ADAMTS17: variants seen among roughly 807,000 people sequenced by gnomAD.
ADAMTS17 encodes ADAM metallopeptidase with thrombospondin type 1 motif 17.
ADAMTS17 carries 113 observed loss-of-function variants against 141.5 expected under a neutral mutation model. The ratio of observed to expected loss-of-function variants is 0.80; its 90% confidence interval spans 0.69 to 0.93. The LOEUF is 0.93. Ranked by LOEUF, ADAMTS17 falls within the 40% of genes least tolerant of loss-of-function variation. The probability of loss-of-function intolerance (pLI) is 0.00; values close to 1 mark genes in which losing one functional copy is unlikely to be tolerated. For missense variants in ADAMTS17, 1,659 were observed against 1,517.9 expected (o/e 1.09, Z -1.54); for synonymous variants, 768 against 630.6 (o/e 1.22, Z -3.27).
intron 3 of ADAMTS17, among the ~76,000 whole-genome samples, chr15:100,320,766 G>C (rs2045709266): frequency 1.3e-5 from 2 of 152,220 alleles, no homozygotes; most frequent in South Asian, 4.1e-4. Flanking sequence ...CTGGGAGGCA[G>C]AGGTTGCAGT....
intron 7 of ADAMTS17, among the ~76,000 whole-genome samples, chr15:100,223,171 A>C (rs1010272099): frequency 6.6e-6 from 1 of 152,200 alleles, no homozygotes; most frequent in Non-Finnish European, 1.5e-5. Flanking sequence ...AGACAAAAGG[A>C]CATGGTGGGG....
At chr15:100,006,596 G>A (rs1359491765) in intron 18 of ADAMTS17, among the ~76,000 whole-genome samples, 1 of 152,206 alleles carries the variant, frequency 6.6e-6, no homozygotes, top group African/African-American at 2.4e-5. Context: ...TCAAAAAACA[G>A]CATGAGATGT....
At chr15:99,988,468 G>A (rs569321255) in intron 20 of ADAMTS17, among the ~76,000 whole-genome samples, 6 of 152,166 alleles carry the variant, frequency 3.9e-5, no homozygotes, top group Non-Finnish European at 2.9e-5. Flanking sequence ...GCAGAACCAT[G>A]AGCCAAATAA....
chr15:100,050,548 C>A (rs1050552913), intron 17 of ADAMTS17, among the ~76,000 whole-genome samples: 25 of 152,218 alleles, frequency 1.6e-4, no homozygotes, highest in African/African-American at 6.0e-4. Context: ...GGTGGTTGGC[C>A]AAGATGCCCA....
At chr15:100,309,999 C>T (rs1014657501) in intron 3 of ADAMTS17, among the ~76,000 whole-genome samples, 14 of 152,286 alleles carry the variant, frequency 9.2e-5, no homozygotes, top group Middle Eastern at 3.4e-3. Context: ...CAATGTGCCC[C>T]GAGGGATGCA....
At chr15:100,002,986 T>C (rs2060960171) in intron 18 of ADAMTS17, among the ~76,000 whole-genome samples, 1 of 152,064 alleles carries the variant, frequency 6.6e-6, no homozygotes, top group Non-Finnish European at 1.5e-5. Context: ...AGGGATGCTC[T>C]GCCATTCACC....
At chr15:100,338,107 GTCTAT>G (rs1342558894) in intron 2 of ADAMTS17, among the ~76,000 whole-genome samples, 1 of 152,160 alleles carries the variant, frequency 6.6e-6, no homozygotes, top group African/African-American at 2.4e-5. Context: ...TAATACTTAA[GTCTAT>G]GGCCTTTGAA....
intron 10 of ADAMTS17, among the ~76,000 whole-genome samples, chr15:100,145,069 T>C (rs1408550831): frequency 6.6e-6 from 1 of 152,190 alleles, no homozygotes; most frequent in Non-Finnish European, 1.5e-5. Flanking sequence ...TATTTCATCA[T>C]TTTTTGTCTC....
intron 16 of ADAMTS17, 122 bp downstream of exon 16, chr15:100,053,775 C>T (rs2032327223): frequency 1.4e-6 from 2 of 1,451,930 alleles, no homozygotes; most frequent in Non-Finnish European, 9.6e-7. Context: ...ACGGCATAAA[C>T]CCCTGGAAGC....
At position 100,131,554 on chromosome 15, in the gene ADAMTS17, A is replaced by AT. The variant is rs111809908; in HGVS notation, c.1721+452dup. Among the ~76,000 whole-genome samples, 409 of 152,106 alleles carry AT rather than the reference A, an allele frequency of 2.7e-3. 2 individuals are homozygous for AT. Among genetic ancestry groups the AT allele is most frequent in the African/African-American group, 9.2e-3 (382 of 41,488 alleles). ...GCCAAAGAGAAAAAAACTAAATCAC[A>AT]TTTTTTCTAACAGTTACAGGAGGAC... is the stretch of plus-strand genomic sequence containing the variant. On this transcript the variant is annotated intron_variant, in intron 12 of 21. Transcript: ENST00000268070.
chr15:100,054,814 G>A (rs2032432462), intron 15 of ADAMTS17, among the ~76,000 whole-genome samples: 1 of 152,194 alleles, frequency 6.6e-6, no homozygotes, highest in Admixed American at 6.5e-5. Flanking sequence ...AGGAGGGGCT[G>A]AGAATCAACA....
intron 7 of ADAMTS17, among the ~76,000 whole-genome samples, chr15:100,209,179 T>C (rs2041703619): frequency 6.6e-6 from 1 of 151,662 alleles, no homozygotes; most frequent in Admixed American, 6.6e-5. Context: ...ACCGCATTTC[T>C]TGCTAAATGC....
intron 3 of ADAMTS17, among the ~76,000 whole-genome samples, chr15:100,296,409 T>G (rs2044813536): frequency 6.6e-6 from 1 of 151,614 alleles, no homozygotes; most frequent in South Asian, 2.1e-4. Context: ...ATAATGGCCT[T>G]CTCTTTCTTT....
At chr15:100,244,062 TCA>T (rs1230554354) in intron 7 of ADAMTS17, among the ~76,000 whole-genome samples, 1 of 152,040 alleles carries the variant, frequency 6.6e-6, no homozygotes, top group Non-Finnish European at 1.5e-5. Context: ...TGAGGAGGCC[TCA>T]CAGTCATGGC....
At chr15:100,222,157 G>A (rs1249672758) in intron 7 of ADAMTS17, among the ~76,000 whole-genome samples, 4 of 152,178 alleles carry the variant, frequency 2.6e-5, no homozygotes, top group Admixed American at 2.6e-4. Flanking sequence ...TGTAGCTACG[G>A]AAGACTCATC....
chr15:100,207,271 T>TG (rs2041610610), intron 7 of ADAMTS17, among the ~76,000 whole-genome samples: 1 of 152,172 alleles, frequency 6.6e-6, no homozygotes, highest in Non-Finnish European at 1.5e-5. Flanking sequence ...AGAAGGCAGC[T>TG]GTCGACAAGC....
chr15:100,164,879 G>T (rs563101700), intron 8 of ADAMTS17, among the ~76,000 whole-genome samples: 2 of 152,270 alleles, frequency 1.3e-5, no homozygotes, highest in East Asian at 3.9e-4. Context: ...ATCCAGGACT[G>T]CAGATGCCCT....
At chr15:100,158,861 G>A (rs940534974) in intron 8 of ADAMTS17, among the ~76,000 whole-genome samples, 7 of 152,172 alleles carry the variant, frequency 4.6e-5, no homozygotes, top group African/African-American at 9.7e-5. Context: ...CAGCAGGCAC[G>A]TGAAAAGATG....
intron 10 of ADAMTS17, among the ~76,000 whole-genome samples, chr15:100,149,142 A>C (rs2039046521): frequency 6.6e-6 from 1 of 152,160 alleles, no homozygotes; most frequent in Non-Finnish European, 1.5e-5. Flanking sequence ...AGTCCTACAA[A>C]AGCAGGGAAG....
Sources: allele counts gnomAD v4.1 joint callset (sites outside exome capture counted in the v4.1 genomes callset), GRCh38; gene constraint gnomAD v4.1.1; transcripts MANE v1.5; gene names NCBI Gene and HGNC (gene_info 2026-07-23, HGNC 2026-07-21).